Variants in ARHGAP32 observed in about 807,000 individuals in gnomAD.
ARHGAP32 encodes the protein rho GTPase-activating protein 32.
In ARHGAP32, 51 loss-of-function variants were observed where a neutral mutation model predicts 186.5. That is an observed-to-expected ratio of 0.27 (90% CI 0.22 to 0.35). ARHGAP32 has a LOEUF of 0.35. ARHGAP32 is among the 10% of genes least tolerant of loss of function. ARHGAP32 has a pLI of 1.00. For missense variants in ARHGAP32, 2,186 were observed against 2,623.5 expected (o/e 0.83, Z 3.64); for synonymous variants, 950 against 964.3 (o/e 0.99, Z 0.27).
At chr11:129,259,581 A>T (rs1221626665) in intron 1 of ARHGAP32, among the ~76,000 whole-genome samples, 2 of 152,068 alleles carry the variant, frequency 1.3e-5, no homozygotes, top group African/African-American at 2.4e-5. Flanking sequence ...AAAAAAAAAA[A>T]AAATAAGCTA....
At chr11:129,058,530 T>G (rs1272717386) in intron 10 of ARHGAP32, among the ~76,000 whole-genome samples, 1 of 152,200 alleles carries the variant, frequency 6.6e-6, no homozygotes, top group African/African-American at 2.4e-5. Context: ...CTACACAAAG[T>G]GAGGTCCACT....
intron 11 of ARHGAP32, chr11:129,023,881 A>C: frequency 1.0e-6 from 1 of 984,862 alleles, no homozygotes; most frequent in Non-Finnish European, 1.2e-6. Flanking sequence ...TACAAGTTTT[A>C]AGATCAATAC....
At chr11:129,093,004 T>A (rs1053008086) in intron 6 of ARHGAP32, among the ~76,000 whole-genome samples, 2 of 152,008 alleles carry the variant, frequency 1.3e-5, no homozygotes, top group Middle Eastern at 3.2e-3. Flanking sequence ...ATATTTTAAG[T>A]CTCATTAAGA....
intron 5 of ARHGAP32, among the ~76,000 whole-genome samples, chr11:129,099,804 A>G (rs568699495): frequency 2.8e-4 from 43 of 152,230 alleles, no homozygotes; most frequent in African/African-American, 9.9e-4. Context: ...AACAGCTCCC[A>G]CTGAGAGACC....
At position 129,173,328 on chromosome 11, in the gene ARHGAP32, C is replaced by CA. The variant is rs761786419; in HGVS notation, c.117-8902dup. 5.7e-3 allele frequency among the ~76,000 whole-genome samples: 710 copies of CA among 124,742 alleles called. 1 individual carries two copies. Among genetic ancestry groups the CA allele is most frequent in the South Asian group, 0.015 (57 of 3,900 alleles). 81.8% of individuals were successfully genotyped at this position (124,742 alleles called of 152,430 possible). A position where few individuals can be genotyped will look rare whatever the true frequency, so the allele number is the denominator to read the frequency against. On this transcript the variant is annotated intron_variant, in intron 1 of 22. Coordinates refer to ENST00000682385, the MANE Select transcript of ARHGAP32 (RefSeq NM_001378024.1). ...TTGAGGCAGTAATTAATAGACCAAC[C>CA]AAAAAAAAAAAAAAGAAAAGCCCAG...
chr11:129,043,059 A>C (rs771135566), intron 10 of ARHGAP32, among the ~76,000 whole-genome samples: 1 of 152,240 alleles, frequency 6.6e-6, no homozygotes, highest in Non-Finnish European at 1.5e-5. Context: ...CAACTATTTC[A>C]AGAGTGACTC....
At chr11:129,083,950 C>T (rs1336519427) in intron 6 of ARHGAP32, among the ~76,000 whole-genome samples, 1 of 151,962 alleles carries the variant, frequency 6.6e-6, no homozygotes, top group Non-Finnish European at 1.5e-5. Flanking sequence ...GAGAAATACA[C>T]AAATTACTAA....
rs1940601916 is a variant in ARHGAP32 at position 129,063,970 on chromosome 11, G to A, written c.817C>T (p.Pro273Ser). 1.2e-6 allele frequency: 2 copies of A among 1,612,740 alleles called. No homozygotes were observed. The highest frequency in any genetic ancestry group is 1.7e-6 in the Non-Finnish European group (2 of 1,179,194). Residue 273 changes from proline to serine, a missense_variant, in exon 9 of 23, where the codon CCT (proline) becomes TCT (serine). Around this residue, in one of 5 missense-constraint regions of ARHGAP32, gnomAD observed 308 missense variants for 596.5 expected, o/e 0.52. Coordinates refer to ENST00000682385, the MANE Select transcript of ARHGAP32 (RefSeq NM_001378024.1). ...ATAACATGGGCAGCACCGACAGCAGGAGTGTTGATGGATGACTCCTCATGA... is the reference window on the plus strand; with the variant it reads ...ATAACATGGGCAGCACCGACAGCAGAAGTGTTGATGGATGACTCCTCATGA... Reference protein sequence around the residue: ...LVHEESSINTPAVGAAHVIKR... With the variant: ...LVHEESSINTSAVGAAHVIKR...
chr11:129,030,256 A>G (rs903533706), intron 11 of ARHGAP32, among the ~76,000 whole-genome samples: 5 of 152,220 alleles, frequency 3.3e-5, no homozygotes, highest in Non-Finnish European at 7.3e-5. Flanking sequence ...TTCTTACTAA[A>G]GTGACATGCA....
chr11:129,127,868 A>G (rs927354990), intron 2 of ARHGAP32, among the ~76,000 whole-genome samples: 5 of 152,230 alleles, frequency 3.3e-5, no homozygotes, highest in Non-Finnish European at 7.3e-5. Context: ...TCATTCATCA[A>G]CAGAACATTC....
intron 1 of ARHGAP32, among the ~76,000 whole-genome samples, chr11:129,204,484 A>G (rs944571769): frequency 5.9e-5 from 9 of 152,218 alleles, no homozygotes; most frequent in African/African-American, 2.2e-4. Context: ...TATTGCACAC[A>G]TTCAGTAGAG....
intron 5 of ARHGAP32, among the ~76,000 whole-genome samples, chr11:129,120,744 TATAAAC>T (rs1483291765): frequency 6.6e-6 from 1 of 152,092 alleles, no homozygotes; most frequent in Admixed American, 6.6e-5. Context: ...AAGAAAGAGC[TATAAAC>T]ATAAAGACAA....
At chr11:128,994,346 G>A (rs1946143953) in intron 12 of ARHGAP32, among the ~76,000 whole-genome samples, 1 of 151,376 alleles carries the variant, frequency 6.6e-6, no homozygotes, top group African/African-American at 2.4e-5. Flanking sequence ...GTAGAGACAG[G>A]GTTTCACCAT....
At chr11:129,256,073 C>G (rs1052713702) in intron 1 of ARHGAP32, among the ~76,000 whole-genome samples, 3 of 151,972 alleles carry the variant, frequency 2.0e-5, no homozygotes, top group Non-Finnish European at 4.4e-5. Context: ...GCAAAAGACA[C>G]CAGAGACAAA....
intron 2 of ARHGAP32, among the ~76,000 whole-genome samples, chr11:129,151,192 T>C (rs1352651752): frequency 2.6e-5 from 4 of 152,132 alleles, no homozygotes; most frequent in African/African-American, 9.7e-5. Flanking sequence ...CAATCCTAAA[T>C]ATATACGCAC....
chr11:129,177,890 C>T (rs143930565), intron 1 of ARHGAP32, among the ~76,000 whole-genome samples: 2,885 of 152,268 alleles, frequency 0.019, 42 homozygotes, highest in South Asian at 0.054. Context: ...GACAGGGATG[C>T]CCTCTCTCAC....
chr11:129,074,207 T>C (rs1327990212), intron 6 of ARHGAP32, among the ~76,000 whole-genome samples: 4 of 152,224 alleles, frequency 2.6e-5, no homozygotes, highest in East Asian at 1.9e-4. Flanking sequence ...TTATTCTTAA[T>C]TGATACAACA....
At chr11:129,187,504 T>G (rs1399356385) in intron 1 of ARHGAP32, among the ~76,000 whole-genome samples, 1 of 152,148 alleles carries the variant, frequency 6.6e-6, no homozygotes, top group Non-Finnish European at 1.5e-5. Context: ...AATTGTACAC[T>G]GAAAAATAAT....
intron 1 of ARHGAP32, among the ~76,000 whole-genome samples, chr11:129,165,764 A>G (rs1943626156): frequency 6.6e-6 from 1 of 151,984 alleles, no homozygotes; most frequent in South Asian, 2.1e-4. Flanking sequence ...AATAAAAAAA[A>G]AAATAGATAA....
Sources: allele counts gnomAD v4.1 joint callset (sites outside exome capture counted in the v4.1 genomes callset), GRCh38; gene constraint gnomAD v4.1.1; regional missense constraint gnomAD v4.1.1; transcripts MANE v1.5; gene names NCBI Gene and HGNC (gene_info 2026-07-23, HGNC 2026-07-21).